DCLK1: variants seen among roughly 807,000 people sequenced by gnomAD.
The protein encoded by DCLK1 is serine/threonine-protein kinase DCLK1.
Under a neutral mutation model 86.2 loss-of-function variants are expected in DCLK1, and 16 were observed. That is an observed-to-expected ratio of 0.19 (90% CI 0.13 to 0.28). The LOEUF is 0.28. Among genes scored for constraint, DCLK1 ranks in the 10% least tolerant of loss-of-function variants. The pLI is 1.00. For missense variants in DCLK1, 590 were observed against 940.2 expected (o/e 0.63, Z 4.87); for synonymous variants, 369 against 370.5 (o/e 1.00, Z 0.05).
chr13:36,014,346 G>C (rs1276587632), intron 3 of DCLK1, among the ~76,000 whole-genome samples: 1 of 152,218 alleles, frequency 6.6e-6, no homozygotes, highest in Non-Finnish European at 1.5e-5. Flanking sequence ...CTTCAATTCA[G>C]ATGAAGCTTA....
At chr13:36,002,559 C>T (rs1880766796) in intron 3 of DCLK1, among the ~76,000 whole-genome samples, 2 of 151,992 alleles carry the variant, frequency 1.3e-5, no homozygotes, top group Non-Finnish European at 2.9e-5. Context: ...AAGCAATAAA[C>T]AAATAAGAAA....
rs887562973 is a variant in DCLK1, at chr13:35,839,011, C to T, written c.1120+81G>A. ...GCTCAGCCTTGTCCATGTCATTCCGCTTGAGAAGCCACAGTTTCTTGGAGT... is the reference window on the plus strand; with the variant it reads ...GCTCAGCCTTGTCCATGTCATTCCGTTTGAGAAGCCACAGTTTCTTGGAGT... On this transcript the variant is annotated intron_variant, in intron 7 of 16. Coordinates refer to ENST00000360631, the MANE Select transcript of DCLK1 (RefSeq NM_001330071.2). The T allele has an allele frequency of 2.2e-6, 3 of 1,339,222 alleles. No individual in the cohort carries two copies. The African/African-American group carries it at 4.4e-5, about 19-fold the overall frequency. 83.0% of individuals were successfully genotyped at this position (1,339,222 alleles called of 1,614,324 possible). A position where few individuals can be genotyped will look rare whatever the true frequency, so the allele number is the denominator to read the frequency against.
chr13:35,853,823 T>C (rs1870845105), intron 6 of DCLK1, among the ~76,000 whole-genome samples: 2 of 152,140 alleles, frequency 1.3e-5, no homozygotes, highest in Admixed American at 6.5e-5. Flanking sequence ...CTTTTATTTT[T>C]GCCTTGGTAT....
In DCLK1 at chr13:35,842,922, T is replaced by C. The variant is rs80008883; in HGVS notation, c.1036-3746A>G. Among the ~76,000 whole-genome samples, 617 of 152,298 alleles carry C rather than the reference T, an allele frequency of 4.1e-3. 12 individuals are homozygous for C. Among genetic ancestry groups the C allele is most frequent in the East Asian group, 0.032 (166 of 5,182 alleles). On this transcript the variant is annotated intron_variant, in intron 6 of 16. Coordinates refer to ENST00000360631, the MANE Select transcript of DCLK1 (RefSeq NM_001330071.2). ...CCAATTCTTCACTAAACCACCTAAA[T>C]AGACTAACTTAGACCCTGCTGGAAC...
chr13:35,896,538 CAAA>C (rs10675684), intron 4 of DCLK1, among the ~76,000 whole-genome samples: 1 of 42,576 alleles, frequency 2.3e-5, no homozygotes, highest in Admixed American at 3.8e-4. Context: ...AATTCCACCT[CAAA>C]AAAAAAAAAA....
At chr13:35,955,264 C>T (rs915411274) in intron 3 of DCLK1, among the ~76,000 whole-genome samples, 3 of 151,938 alleles carry the variant, frequency 2.0e-5, no homozygotes, top group Non-Finnish European at 2.9e-5. Flanking sequence ...ATTCAGGCTG[C>T]TATAACAAAA....
intron 8 of DCLK1, among the ~76,000 whole-genome samples, chr13:35,833,386 C>T (rs986772986): frequency 5.3e-5 from 8 of 152,162 alleles, no homozygotes; most frequent in Non-Finnish European, 8.8e-5. Context: ...AGCTTTTCTG[C>T]TCTTTGAGTT....
chr13:36,122,366 G>T (rs2138212460), intron 2 of DCLK1, among the ~76,000 whole-genome samples: 1 of 152,296 alleles, frequency 6.6e-6, no homozygotes, highest in East Asian at 1.9e-4. Context: ...GCGCAGATCT[G>T]ATGAACAAAT....
At chr13:35,872,212 A>G (rs1302494426) in intron 4 of DCLK1, among the ~76,000 whole-genome samples, 1 of 152,234 alleles carries the variant, frequency 6.6e-6, no homozygotes, top group Non-Finnish European at 1.5e-5. Flanking sequence ...CTGTAGATGG[A>G]AAAATATAAG....
chr13:35,782,182 CAT>C (rs2086538698), intron 16 of DCLK1, among the ~76,000 whole-genome samples: 1 of 152,170 alleles, frequency 6.6e-6, no homozygotes, highest in African/African-American at 2.4e-5. Context: ...TAATCTTAAA[CAT>C]AGGCTTCTCC....
chr13:35,854,781 C>A lies in DCLK1; in HGVS notation c.941-188G>T, dbSNP rs186975860. On this transcript the variant is annotated intron_variant, in intron 5 of 16. Transcript: ENST00000360631. ...TTCAGAGAGTCACAGTTTTGTAAATCCTGTGTTTCATAGAGCAGCAGGTTA... is the reference window on the plus strand; with the variant it reads ...TTCAGAGAGTCACAGTTTTGTAAATACTGTGTTTCATAGAGCAGCAGGTTA... Among the ~76,000 whole-genome samples, 231 of 152,240 alleles carry A rather than the reference C, an allele frequency of 1.5e-3. 1 individual carries two copies. Among genetic ancestry groups the A allele is most frequent in the South Asian group, 9.5e-3 (46 of 4,818 alleles).
chr13:35,799,478 C>T (rs945856471), intron 15 of DCLK1, among the ~76,000 whole-genome samples: 5 of 152,132 alleles, frequency 3.3e-5, no homozygotes, highest in Non-Finnish European at 5.9e-5. Context: ...CTTGAACTCC[C>T]GACCTCAGGT....
intron 2 of DCLK1, among the ~76,000 whole-genome samples, chr13:36,113,559 G>A (rs1028142551): frequency 1.3e-5 from 2 of 152,090 alleles, no homozygotes; most frequent in Non-Finnish European, 2.9e-5. Flanking sequence ...TATAGAAACA[G>A]CAGTGTTTTG....
intron 4 of DCLK1, among the ~76,000 whole-genome samples, chr13:35,894,058 TA>T (rs1444903505): frequency 6.6e-6 from 1 of 152,092 alleles, no homozygotes; most frequent in Non-Finnish European, 1.5e-5. Flanking sequence ...ACATGAAACA[TA>T]AATGAATTTA....
intron 3 of DCLK1, among the ~76,000 whole-genome samples, chr13:36,018,999 G>T (rs1260856834): frequency 6.6e-6 from 1 of 152,094 alleles, no homozygotes; most frequent in African/African-American, 2.4e-5. Context: ...CTTGTTTCAG[G>T]ATCTCAAATT....
At chr13:36,107,366 CG>C (rs1848833115) in intron 3 of DCLK1, among the ~76,000 whole-genome samples, 1 of 110,250 alleles carries the variant, frequency 9.1e-6, no homozygotes, top group Admixed American at 9.9e-5. Context: ...TTTTTTGAGA[CG>C]GGGTCTCACT....
At chr13:36,099,165 A>C (rs1885113693) in intron 3 of DCLK1, among the ~76,000 whole-genome samples, 1 of 151,974 alleles carries the variant, frequency 6.6e-6, no homozygotes, top group African/African-American at 2.4e-5. Context: ...ACGGGGTTTC[A>C]CCACGTTGGC....
At chr13:36,041,585 A>G (rs1410831733) in intron 3 of DCLK1, among the ~76,000 whole-genome samples, 1 of 152,144 alleles carries the variant, frequency 6.6e-6, no homozygotes, top group Admixed American at 6.6e-5. Context: ...ATTGTTCTCT[A>G]AAAAGAAAAA....
rs146999987 is a variant in DCLK1 at position 35,973,229 on chromosome 13, C to T, written c.724-25772G>A. The stretch of plus-strand genomic sequence containing the variant: ...AACCCCCATGAAATCCTTTCAATGG[C>T]GAGGCACATGCAGAGGTCAGTGAGC... On this transcript the variant is annotated intron_variant, in intron 3 of 16. Transcript: ENST00000360631. 4.3e-4 allele frequency among the ~76,000 whole-genome samples: 65 copies of T among 152,230 alleles called. 1 individual carries two copies. In the East Asian group the frequency reaches 0.011, roughly 25 times the overall value.
Sources: gnomAD v4.1 joint callset for allele counts (sites outside exome capture counted in the v4.1 genomes callset) on GRCh38, gnomAD v4.1.1 for gene constraint, MANE v1.5 for transcripts, NCBI Gene and HGNC (gene_info 2026-07-23, HGNC 2026-07-21) for gene names.